SORCS2: variants seen among roughly 807,000 people sequenced by gnomAD.
The protein encoded by SORCS2 is sortilin related VPS10 domain containing receptor 2.
In SORCS2, 100 loss-of-function variants were observed where a neutral mutation model predicts 141.6. The observed-to-expected ratio is 0.71, with a 90% CI of 0.60 to 0.83. SORCS2 has a LOEUF of 0.83. Among genes scored for constraint, SORCS2 ranks in the 40% least tolerant of loss-of-function variants. The pLI is 0.00. For missense variants in SORCS2, 1,646 were observed against 1,560.2 expected (o/e 1.05, Z -0.93); for synonymous variants, 789 against 676.9 (o/e 1.17, Z -2.57).
At chr4:7,459,696 C>T (rs1001162934) in intron 2 of SORCS2, among the ~76,000 whole-genome samples, 1 of 152,176 alleles carries the variant, frequency 6.6e-6, no homozygotes, top group Non-Finnish European at 1.5e-5. Context: ...GAGGACTTCC[C>T]AGCATGGCCT....
At chr4:7,578,908 A>G (rs1173960380) in intron 3 of SORCS2, among the ~76,000 whole-genome samples, 2 of 152,212 alleles carry the variant, frequency 1.3e-5, no homozygotes, top group African/African-American at 2.4e-5. Context: ...TAAGTTTACT[A>G]CTTCTCACTA....
At chr4:7,363,352 C>T (rs567650391) in intron 1 of SORCS2, among the ~76,000 whole-genome samples, 15 of 152,298 alleles carry the variant, frequency 9.8e-5, no homozygotes, top group African/African-American at 3.6e-4. Flanking sequence ...ACCACCACCA[C>T]CATCATTACT....
rs528639067 is a variant in SORCS2 at position 7,466,570 on chromosome 4, C to T, written c.549-64960C>T. Among the ~76,000 whole-genome samples the T allele has an allele frequency of 5.3e-5, 8 of 152,318 alleles. 1 individual carries two copies. In the South Asian group the frequency reaches 1.7e-3, roughly 32 times the overall value. On this transcript the variant is annotated intron_variant, in intron 2 of 26. Coordinates refer to ENST00000507866, the MANE Select transcript of SORCS2 (RefSeq NM_020777.3). ...CGTCCATACCCCATTCTCCCTCTGG[C>T]TGCAGTGGAAACCCATGGAAAGGGG... is the stretch of plus-strand genomic sequence containing the variant.
intron 3 of SORCS2, among the ~76,000 whole-genome samples, chr4:7,577,766 T>C (rs1031863910): frequency 6.9e-6 from 1 of 145,366 alleles, no homozygotes; most frequent in African/African-American, 2.6e-5. Context: ...TCATATAGCA[T>C]ACAGGTGAAG....
rs538944047 is a variant in SORCS2 at position 7,278,142 on chromosome 4, C to T, written c.480+85016C>T. Among the ~76,000 whole-genome samples the T allele has an allele frequency of 5.3e-5, 8 of 152,328 alleles. No homozygotes were observed. The South Asian group carries it at 1.2e-3, about 24-fold the overall frequency. ...TCCCCGGTGCCCTCTTATTCATCTA[C>T]AGCCCCACGCTGCACCCTGGGCCCA... On this transcript the variant is annotated intron_variant, in intron 1 of 26. Transcript: ENST00000507866.
intron 3 of SORCS2, among the ~76,000 whole-genome samples, chr4:7,574,395 T>A (rs1715607886): frequency 6.6e-6 from 1 of 152,034 alleles, no homozygotes; most frequent in Non-Finnish European, 1.5e-5. Context: ...AAACAGGGAG[T>A]TGTTTACAGC....
intron 1 of SORCS2, among the ~76,000 whole-genome samples, chr4:7,326,817 C>T (rs998777287): frequency 4.6e-5 from 7 of 152,242 alleles, no homozygotes; most frequent in South Asian, 2.1e-4. Context: ...GGGCAGGAAG[C>T]GCTGCCGGCC....
intron 2 of SORCS2, among the ~76,000 whole-genome samples, chr4:7,528,713 C>A (rs981394309): frequency 6.6e-6 from 1 of 152,174 alleles, no homozygotes; most frequent in Admixed American, 6.5e-5. Context: ...CCGTGCCTGG[C>A]CTGGACTGTG....
intron 2 of SORCS2, among the ~76,000 whole-genome samples, chr4:7,443,769 G>A (rs554663183): frequency 1.7e-4 from 26 of 152,336 alleles, no homozygotes; most frequent in Non-Finnish European, 3.5e-4. Flanking sequence ...ACAGAATGCT[G>A]AACTGGCCAA....
chr4:7,362,324 T>C (rs1721629138), intron 1 of SORCS2, among the ~76,000 whole-genome samples: 1 of 151,944 alleles, frequency 6.6e-6, no homozygotes, highest in Admixed American at 6.6e-5. Flanking sequence ...CATACTAGAG[T>C]CCTTCCACGC....
At chr4:7,539,622 C>G (rs542053651) in intron 3 of SORCS2, among the ~76,000 whole-genome samples, 1 of 151,928 alleles carries the variant, frequency 6.6e-6, no homozygotes, top group Non-Finnish European at 1.5e-5. Context: ...ACTCTCTTCC[C>G]TCCACTCTGA....
At chr4:7,671,325 A>G (rs1722784694) in intron 8 of SORCS2, among the ~76,000 whole-genome samples, 1 of 150,476 alleles carries the variant, frequency 6.6e-6, no homozygotes, top group Non-Finnish European at 1.5e-5. Flanking sequence ...GAAACAGGAA[A>G]GTATGAGCAT....
At chr4:7,258,846 G>A (rs1714113975) in intron 1 of SORCS2, among the ~76,000 whole-genome samples, 1 of 152,160 alleles carries the variant, frequency 6.6e-6, no homozygotes, top group South Asian at 2.1e-4. Context: ...ATCTCATTGT[G>A]GTTTTGATCT....
At chr4:7,318,678 TACCC>T (rs1340490156) in intron 1 of SORCS2, among the ~76,000 whole-genome samples, 1 of 152,336 alleles carries the variant, frequency 6.6e-6, no homozygotes, top group East Asian at 1.9e-4. Flanking sequence ...ACTCAGCTGT[TACCC>T]ACACAGCCCC....
At chr4:7,202,974 T>A (rs1727554067) in intron 1 of SORCS2, among the ~76,000 whole-genome samples, 1 of 146,552 alleles carries the variant, frequency 6.8e-6, no homozygotes, top group Non-Finnish European at 1.5e-5. Flanking sequence ...TCTCATTTGC[T>A]CCTGAACAGA....
chr4:7,678,854 C>T lies in SORCS2; in HGVS notation c.1341+2625C>T, dbSNP rs536884543. ...AACTGGTATGTATTTGCTGTGTGGCCGTAGGTGGGTTTCTTAACCTCTCTG... is the reference window on the plus strand; with the variant it reads ...AACTGGTATGTATTTGCTGTGTGGCTGTAGGTGGGTTTCTTAACCTCTCTG... On this transcript the variant is annotated intron_variant, in intron 9 of 26. Transcript: ENST00000507866. 8.5e-5 allele frequency among the ~76,000 whole-genome samples: 13 copies of T among 152,258 alleles called. No homozygotes were observed. In the East Asian group the frequency reaches 1.4e-3, roughly 16 times the overall value.
chr4:7,382,098 T>C (rs899851825), intron 1 of SORCS2: 1 of 540,300 alleles, frequency 1.9e-6, no homozygotes. Context: ...CAGAAGGACC[T>C]TGAAGGGTGG....
chr4:7,248,036 C>T (rs1713233581), intron 1 of SORCS2, among the ~76,000 whole-genome samples: 1 of 152,202 alleles, frequency 6.6e-6, no homozygotes, highest in South Asian at 2.1e-4. Flanking sequence ...GTGTCTTCCC[C>T]ACCTGAGAGC....
intron 1 of SORCS2, among the ~76,000 whole-genome samples, chr4:7,216,868 T>C (rs1244929744): frequency 1.5e-5 from 2 of 135,846 alleles, no homozygotes; most frequent in African/African-American, 5.8e-5. Context: ...GCAAAGCCAG[T>C]TGAGATGGTG....
Sources: gnomAD v4.1 joint callset for allele counts (sites outside exome capture counted in the v4.1 genomes callset) on GRCh38, gnomAD v4.1.1 for gene constraint, MANE v1.5 for transcripts, NCBI Gene and HGNC (gene_info 2026-07-23, HGNC 2026-07-21) for gene names.